CCDC88C: variants seen among roughly 807,000 people sequenced by gnomAD.
The protein encoded by CCDC88C is protein Daple.
CCDC88C carries 131 observed loss-of-function variants against 198.8 expected under a neutral mutation model. That is an observed-to-expected ratio of 0.66 (90% CI 0.57 to 0.76). The LOEUF is 0.76. Ranked by LOEUF, CCDC88C falls within the 30% of genes least tolerant of loss-of-function variation. The pLI, the probability that CCDC88C is intolerant of heterozygous loss-of-function variation, is 0.00. For missense variants in CCDC88C, 2,553 were observed against 2,631.6 expected (o/e 0.97, Z 0.65); for synonymous variants, 1,166 against 1,114.7 (o/e 1.05, Z -0.92).
Position 91,339,989 on chromosome 14 carries a change from C to T in CCDC88C, c.519G>A (p.Gln173=). ...THNQENVFDL[Q]WLELPDVAPE... ...GAGCCACGTCGGGCAGCTCCAGCCA[C>T]TGCAGGTCAAACACGTTCTCTTGGT... The change falls in exon 7 of 30, where the codon CAG becomes CAA. Residue 173 remains glutamine (Q), a synonymous_variant. Coordinates refer to ENST00000389857, the MANE Select transcript of CCDC88C (RefSeq NM_001080414.4). The surrounding 1 kb of genome is among the most constrained non-coding windows in gnomAD (Gnocchi z 5.8). The T allele has an allele frequency of 6.2e-7, 1 of 1,607,948 alleles. No homozygotes were observed. Among genetic ancestry groups the T allele is most frequent in the Non-Finnish European group, 8.5e-7 (1 of 1,177,830 alleles).
rs1035963217 is a variant in CCDC88C at position 91,339,528 on chromosome 14, T to C, written c.625-66A>G. On this transcript the variant is annotated intron_variant, in intron 7 of 29. Transcript: ENST00000389857. The surrounding 1 kb of genome is among the most constrained non-coding windows in gnomAD (Gnocchi z 5.8). ...GGTTAACCAGCACAACGCCTGAGCT[T>C]GAACAGGGTGAAGAAACCGCCAAAA... 9 of 1,441,488 alleles carry C rather than the reference T, an allele frequency of 6.2e-6. No individual in the cohort carries two copies. The African/African-American group carries it at 1.1e-4, about 18-fold the overall frequency. The allele number at this position is 1,441,488 out of a possible 1,614,324, so 89.3% of individuals were successfully genotyped here. A position where few individuals can be genotyped will look rare whatever the true frequency, so the allele number is the denominator to read the frequency against.
At chr14:91,394,860 G>A (rs1446579429) in intron 3 of CCDC88C, among the ~76,000 whole-genome samples, 1 of 152,190 alleles carries the variant, frequency 6.6e-6, no homozygotes, top group Non-Finnish European at 1.5e-5. Context: ...ATTACTCCGG[G>A]AGGGGTCCTT....
chr14:91,406,557 C>A (rs1886494763), intron 3 of CCDC88C, among the ~76,000 whole-genome samples: 1 of 152,256 alleles, frequency 6.6e-6, no homozygotes, highest in South Asian at 2.1e-4. Context: ...ACTTCCCCAA[C>A]TGCCCGCACG....
intron 3 of CCDC88C, among the ~76,000 whole-genome samples, chr14:91,363,867 G>A (rs1894416723): frequency 6.6e-6 from 1 of 152,262 alleles, no homozygotes; most frequent in South Asian, 2.1e-4. Context: ...GCAGGGACGT[G>A]AGGAGGCTGC....
intron 26 of CCDC88C, among the ~76,000 whole-genome samples, chr14:91,281,860 G>C (rs1890211567): frequency 6.6e-6 from 1 of 152,290 alleles, no homozygotes; most frequent in South Asian, 2.1e-4. Context: ...CAGTCTCAGA[G>C]GCCAGCCCTG....
chr14:91,332,602 C>A (rs866294817), intron 10 of CCDC88C, among the ~76,000 whole-genome samples: 2 of 152,316 alleles, frequency 1.3e-5, no homozygotes, highest in Middle Eastern at 3.4e-3. Context: ...TTAGACGGGG[C>A]AGCCTGTCTG....
rs76101261 is a variant in CCDC88C, at chr14:91,384,029, G to A, written c.271-24318C>T. Among the ~76,000 whole-genome samples, 23 of 152,262 alleles carry A rather than the reference G, an allele frequency of 1.5e-4. 1 individual carries two copies. In the East Asian group the frequency reaches 3.5e-3, roughly 23 times the overall value. On this transcript the variant is annotated intron_variant, in intron 3 of 29. Coordinates refer to ENST00000389857, the MANE Select transcript of CCDC88C (RefSeq NM_001080414.4). ...GTACCACGGCACACTGGTGCATCCCGGGAAGATGTTCCTAGGGCACCACAT... is the reference window on the plus strand; with the variant it reads ...GTACCACGGCACACTGGTGCATCCCAGGAAGATGTTCCTAGGGCACCACAT...
chr14:91,336,480 T>A (rs1304867421), intron 10 of CCDC88C, among the ~76,000 whole-genome samples: 1 of 152,132 alleles, frequency 6.6e-6, no homozygotes, highest in African/African-American at 2.4e-5. Context: ...GCTGAGGTGG[T>A]TTGTGCATGA....
chr14:91,308,318 AG>A (rs775565002), intron 17 of CCDC88C, 32 bp downstream of exon 17: 8 of 1,611,102 alleles, frequency 5.0e-6, no homozygotes, highest in Non-Finnish European at 6.8e-6. Context: ...GAGAATGGGC[AG>A]CTGGGCCCCA....
chr14:91,293,565 ACGGCCCACCTTCCTGTCCCCTCG>A (rs1567055911), intron 23 of CCDC88C, among the ~76,000 whole-genome samples: 6 of 85,728 alleles, frequency 7.0e-5, no homozygotes, highest in African/African-American at 9.7e-5. Context: ...CTCGCCTGCC[ACGGCCCACCTTCCTGTCCCCTCG>A]CCTGCCATGG....
chr14:91,354,000 C>T (rs1386380661), intron 4 of CCDC88C, among the ~76,000 whole-genome samples: 6 of 152,194 alleles, frequency 3.9e-5, no homozygotes, highest in African/African-American at 1.4e-4. Context: ...ACAAAAGTAA[C>T]CATCTGTGCA....
chr14:91,321,109 G>C lies in CCDC88C; in HGVS notation c.1527+11C>G, dbSNP rs1446394789. On this transcript the variant is annotated intron_variant, in intron 13 of 29. Coordinates refer to ENST00000389857, the MANE Select transcript of CCDC88C (RefSeq NM_001080414.4). ...CTGTGCTTCCCCGGTGGCCTAAGGAGGCCGAGGTACCTTCTTGCTGAGCTG... is the reference window on the plus strand; with the variant it reads ...CTGTGCTTCCCCGGTGGCCTAAGGACGCCGAGGTACCTTCTTGCTGAGCTG... 6.2e-7 allele frequency: 1 copy of C among 1,602,002 alleles called. No individual in the cohort carries two copies. Among genetic ancestry groups the C allele is most frequent in the Admixed American group, 1.7e-5 (1 of 59,242 alleles).
rs1215828620 is a variant in CCDC88C at position 91,288,237 on chromosome 14, C to A, written c.4441+868G>T. ...GCTCCTGAGAGTTGATGAAATACAG[C>A]ATACATGATGAGAAATCCTGTTCTT... On this transcript the variant is annotated intron_variant, in intron 25 of 29. Coordinates refer to ENST00000389857, the MANE Select transcript of CCDC88C (RefSeq NM_001080414.4). The surrounding 1 kb of genome is among the most constrained non-coding windows in gnomAD (Gnocchi z 4.2). Among the ~76,000 whole-genome samples the A allele has an allele frequency of 5.9e-5, 9 of 152,314 alleles. No homozygotes were observed. The East Asian group carries it at 1.5e-3, about 26-fold the overall frequency.
intron 12 of CCDC88C, among the ~76,000 whole-genome samples, chr14:91,322,573 C>T (rs1363878748): frequency 6.6e-6 from 1 of 152,206 alleles, no homozygotes; most frequent in African/African-American, 2.4e-5. Context: ...AATAAGACTC[C>T]ATTATTTCAA....
chr14:91,283,668 G>A, intron 25 of CCDC88C, 151 bp from the exon 26 acceptor site: 1 of 697,804 alleles, frequency 1.4e-6, no homozygotes, highest in South Asian at 1.9e-5. Flanking sequence ...CAACTTAAAT[G>A]GGGCCTGGCG....
At chr14:91,355,253 G>A (rs1469023836) in intron 4 of CCDC88C, among the ~76,000 whole-genome samples, 1 of 152,196 alleles carries the variant, frequency 6.6e-6, no homozygotes, top group African/African-American at 2.4e-5. Context: ...CGGGACACCA[G>A]GCGACAGCGC....
Position 91,315,652 on chromosome 14 carries a change from G to C in CCDC88C, c.1663C>G (p.Gln555Glu). 1 of 1,613,944 alleles carries C rather than the reference G, an allele frequency of 6.2e-7. No homozygotes were observed. Among genetic ancestry groups the C allele is most frequent in the Non-Finnish European group, 8.5e-7 (1 of 1,179,884 alleles). The stretch of plus-strand genomic sequence containing the variant: ...GCGTTAGTGGTGGAGGCACCTACCT[G>C]CCTGGCTTTGTCAGCCTTCAGGGTC... ...METLKADKAR[Q>E]IKDLEQEKDH... Residue 555 changes from glutamine (Q) to glutamate (E), a missense_variant and splice_region_variant, in exon 14 of 30, where the codon CAG (glutamine) becomes GAG (glutamate). Gln to Glu is a conservative substitution (Grantham distance 29). Coordinates refer to ENST00000389857, the MANE Select transcript of CCDC88C (RefSeq NM_001080414.4).
chr14:91,291,687 ACAGGGGAATGAAC>A (rs1567053765), intron 23 of CCDC88C, among the ~76,000 whole-genome samples: 1 of 152,102 alleles, frequency 6.6e-6, no homozygotes. Flanking sequence ...CCCTGCTGCC[ACAGGGGAATGAAC>A]CAGGGCACAG....
rs1893149923 is a variant in CCDC88C, at chr14:91,338,406, G to A, written c.891+83C>T. 4 of 1,234,294 alleles carry A rather than the reference G, an allele frequency of 3.2e-6. No homozygotes were observed. In the South Asian group the frequency reaches 5.2e-5, roughly 16 times the overall value. The allele number at this position is 1,234,294 out of a possible 1,614,324, so 76.5% of individuals were successfully genotyped here. ...TGTGTGGCTTAAAAGCGCTGCTGTT[G>A]AGCTCCTGACCCTCCAGGCCCCGTT... On this transcript the variant is annotated intron_variant, in intron 9 of 29. Coordinates refer to ENST00000389857, the MANE Select transcript of CCDC88C (RefSeq NM_001080414.4). This position sits in a 1 kb window ranked among gnomAD's most constrained non-coding sequence, Gnocchi z 4.8.
Sources: gnomAD v4.1 joint callset for allele counts (sites outside exome capture counted in the v4.1 genomes callset) on GRCh38, gnomAD v4.1.1 for gene constraint, Gnocchi (gnomAD v3.1) non-coding constraint, MANE v1.5 for transcripts, NCBI Gene and HGNC (gene_info 2026-07-23, HGNC 2026-07-21) for gene names.